Variants in ROBO1 observed in about 807,000 individuals in gnomAD.
The protein encoded by ROBO1 is roundabout homolog 1.
Under a neutral mutation model 195.9 loss-of-function variants are expected in ROBO1, and 149 were observed. That is an observed-to-expected ratio of 0.76 (90% CI 0.67 to 0.87). The LOEUF is 0.87. Among genes scored for constraint, ROBO1 ranks in the 40% least tolerant of loss-of-function variants. The probability of loss-of-function intolerance (pLI) is 0.00; values close to 1 mark genes in which losing one functional copy is unlikely to be tolerated. For missense variants in ROBO1, 1,933 were observed against 2,068.3 expected, an observed-to-expected ratio of 0.93 and a Z score of 1.27; for synonymous variants, 816 against 733.2, an observed-to-expected ratio of 1.11 and a Z score of -1.82.
intron 5 of ROBO1, among the ~76,000 whole-genome samples, chr3:78,723,116 A>G (rs2082081262): frequency 1.3e-5 from 2 of 152,232 alleles, no homozygotes; most frequent in Non-Finnish European, 2.9e-5. Context: ...TGACGATCCC[A>G]TAAGATGATA....
chr3:79,568,553 A>G (rs758624608), intron 2 of ROBO1, among the ~76,000 whole-genome samples: 7 of 146,232 alleles, frequency 4.8e-5, no homozygotes, highest in Non-Finnish European at 1.0e-4. Context: ...TCTTTGTCTC[A>G]TTGACTAAAT....
At chr3:79,155,638 G>A (rs182470325) in intron 2 of ROBO1, among the ~76,000 whole-genome samples, 42 of 151,672 alleles carry the variant, frequency 2.8e-4, no homozygotes, top group Admixed American at 2.6e-3. Context: ...CATTTCCCGT[G>A]GATTATTTCT....
At chr3:79,222,033 C>A (rs1403596064) in intron 2 of ROBO1, among the ~76,000 whole-genome samples, 1 of 151,976 alleles carries the variant, frequency 6.6e-6, no homozygotes, top group Non-Finnish European at 1.5e-5. Context: ...GCAAGTATTT[C>A]TTAAATGAAG....
chr3:79,189,916 G>A (rs143885156), intron 2 of ROBO1, among the ~76,000 whole-genome samples: 25 of 151,648 alleles, frequency 1.6e-4, no homozygotes, highest in Non-Finnish European at 1.6e-4. Flanking sequence ...TACACTAAAT[G>A]GATTTACAGT....
At chr3:79,627,064 C>G (rs1475683785) in intron 1 of ROBO1, among the ~76,000 whole-genome samples, 1 of 152,110 alleles carries the variant, frequency 6.6e-6, no homozygotes, top group African/African-American at 2.4e-5. Context: ...GTCAAAATGG[C>G]CATACTGCCC....
chr3:78,711,589 G>A (rs1014073217), intron 8 of ROBO1, among the ~76,000 whole-genome samples: 5 of 150,412 alleles, frequency 3.3e-5, no homozygotes, highest in Admixed American at 1.3e-4. Flanking sequence ...AGGTTCAAGC[G>A]ATTCTCCTGC....
At chr3:79,208,954 A>G (rs2081922382) in intron 2 of ROBO1, among the ~76,000 whole-genome samples, 1 of 152,150 alleles carries the variant, frequency 6.6e-6, no homozygotes, top group African/African-American at 2.4e-5. Flanking sequence ...TGTGGGGAAG[A>G]GATGGGCTTC....
At chr3:79,246,065 G>A (rs1396475945) in intron 2 of ROBO1, among the ~76,000 whole-genome samples, 1 of 152,030 alleles carries the variant, frequency 6.6e-6, no homozygotes, top group Non-Finnish European at 1.5e-5. Context: ...TCCATTCACT[G>A]TACTCCTTTA....
intron 3 of ROBO1, among the ~76,000 whole-genome samples, chr3:78,945,329 G>A (rs1430605790): frequency 6.6e-6 from 1 of 152,128 alleles, no homozygotes; most frequent in Non-Finnish European, 1.5e-5. Context: ...AACTTCCAGA[G>A]GAACAATCAG....
intron 4 of ROBO1, among the ~76,000 whole-genome samples, chr3:78,876,213 C>A (rs2035837732): frequency 6.6e-6 from 1 of 151,910 alleles, no homozygotes; most frequent in South Asian, 2.1e-4. Flanking sequence ...GTAACATATG[C>A]AAAATTTTCA....
At chr3:79,508,440 C>T (rs1940527732) in intron 2 of ROBO1, among the ~76,000 whole-genome samples, 2 of 152,130 alleles carry the variant, frequency 1.3e-5, no homozygotes, top group Admixed American at 6.5e-5. Flanking sequence ...ATTTCTTTGG[C>T]TTAAAACCCT....
intron 1 of ROBO1, among the ~76,000 whole-genome samples, chr3:79,685,433 C>G (rs973215789): frequency 6.6e-6 from 1 of 152,156 alleles, no homozygotes; most frequent in South Asian, 2.1e-4. Context: ...AAAAACCCAG[C>G]TTTTGCTTTT....
At chr3:78,678,031 C>T (rs1221010403) in intron 10 of ROBO1, among the ~76,000 whole-genome samples, 9 of 151,856 alleles carry the variant, frequency 5.9e-5, no homozygotes, top group Non-Finnish European at 1.3e-4. Context: ...CACTCAAAAC[C>T]GCTCAACTAC....
chr3:79,684,300 T>G (rs1031179375), intron 1 of ROBO1, among the ~76,000 whole-genome samples: 1 of 152,158 alleles, frequency 6.6e-6, no homozygotes, highest in African/African-American at 2.4e-5. Context: ...TTGGGTTATT[T>G]TCCCTTACAT....
intron 2 of ROBO1, among the ~76,000 whole-genome samples, chr3:79,163,429 T>C (rs1406144137): frequency 1.3e-5 from 2 of 152,152 alleles, no homozygotes; most frequent in Non-Finnish European, 2.9e-5. Flanking sequence ...ATTCATCTGC[T>C]GATGGACATT....
At chr3:79,003,861 GAAGAGACTA>G (rs2077561785) in intron 3 of ROBO1, among the ~76,000 whole-genome samples, 1 of 152,098 alleles carries the variant, frequency 6.6e-6, no homozygotes, top group African/African-American at 2.4e-5. Flanking sequence ...TTCAATTCTG[GAAGAGACTA>G]AAATATCCAC....
chr3:79,741,388 T>C (rs1369159084), intron 1 of ROBO1, among the ~76,000 whole-genome samples: 2 of 152,290 alleles, frequency 1.3e-5, no homozygotes, highest in Admixed American at 6.5e-5. Flanking sequence ...TGTTTCAGAT[T>C]TGACTTTTTT....
intron 2 of ROBO1, among the ~76,000 whole-genome samples, chr3:79,422,464 T>G (rs1052296488): frequency 6.6e-6 from 1 of 152,004 alleles, no homozygotes; most frequent in African/African-American, 2.4e-5. Context: ...TGACAAACAT[T>G]TATTAAAACT....
rs919972126 is a variant in ROBO1 at position 78,798,719 on chromosome 3, C to T, written c.500-51819G>A. On this transcript the variant is annotated intron_variant, in intron 4 of 30. Transcript: ENST00000464233. ...ATATAGGAACACAGACATGTCAAAA[C>T]ATCAAGTAATCCAAAGGTACAACAA... is the stretch of plus-strand genomic sequence containing the variant. 2.6e-5 allele frequency among the ~76,000 whole-genome samples: 4 copies of T among 152,270 alleles called. No homozygotes were observed. The East Asian group carries it at 7.7e-4, about 29-fold the overall frequency.
Sources: gnomAD v4.1 joint callset for allele counts (sites outside exome capture counted in the v4.1 genomes callset) on GRCh38, gnomAD v4.1.1 for gene constraint, MANE v1.5 for transcripts, NCBI Gene and HGNC (gene_info 2026-07-23, HGNC 2026-07-21) for gene names.